Variants in KIAA1549 observed in about 807,000 individuals in gnomAD.
KIAA1549 encodes the protein KIAA1549.
KIAA1549 carries 70 observed loss-of-function variants against 156.4 expected under a neutral mutation model. That is an observed-to-expected ratio of 0.45 (90% CI 0.37 to 0.55). The LOEUF is 0.55. Ranked by LOEUF, KIAA1549 falls within the 20% of genes least tolerant of loss-of-function variation. KIAA1549 has a pLI of 0.00. For missense variants in KIAA1549, 2,428 were observed against 2,540.9 expected (o/e 0.96, Z 0.96); for synonymous variants, 1,103 against 1,066.4 (o/e 1.03, Z -0.67).
chr7:138,883,974 G>T (rs1410693301), intron 10 of KIAA1549, among the ~76,000 whole-genome samples: 2 of 152,136 alleles, frequency 1.3e-5, no homozygotes, highest in South Asian at 4.1e-4. Context: ...GCAGGATGGG[G>T]GCTGCTCACC....
intron 13 of KIAA1549, among the ~76,000 whole-genome samples, 198 bp downstream of exon 13, chr7:138,870,959 A>C (rs1003951244): frequency 1.3e-5 from 2 of 152,150 alleles, no homozygotes; most frequent in Non-Finnish European, 2.9e-5. Context: ...CTGGGATTAC[A>C]GGAACCCGCC....
intron 1 of KIAA1549, among the ~76,000 whole-genome samples, chr7:138,934,209 T>C (rs1812946418): frequency 1.3e-5 from 2 of 149,048 alleles, no homozygotes; most frequent in South Asian, 4.4e-4. Context: ...GCCCATGGGG[T>C]TGAGAAGGAA....
chr7:138,964,962 T>C (rs1303302739), intron 1 of KIAA1549, among the ~76,000 whole-genome samples: 7 of 150,354 alleles, frequency 4.7e-5, no homozygotes, highest in Admixed American at 6.6e-5. Context: ...TCTTTGTTTT[T>C]TTTTCTTTTT....
rs528878546 is a variant in KIAA1549, at chr7:138,836,434, CA to C, written c.*1471del. The C allele has an allele frequency of 1.5e-3, 314 of 214,338 alleles. No homozygotes were observed. Among genetic ancestry groups the C allele is most frequent in the Non-Finnish European group, 2.1e-3 (224 of 106,110 alleles). 13.3% of individuals were successfully genotyped at this position (214,338 alleles called of 1,614,324 possible). On this transcript the variant is annotated 3_prime_UTR_variant, in exon 20 of 20. Transcript: ENST00000422774. The stretch of plus-strand genomic sequence containing the variant: ...ACAATCTAGGATGTTGGCACAGCAA[CA>C]AAACAGCCTAATGACACATTTCTCA...
intron 12 of KIAA1549, among the ~76,000 whole-genome samples, chr7:138,877,518 A>G (rs6964715): frequency 0.25 from 38,164 of 152,180 alleles, 5,577 homozygotes; most frequent in Middle Eastern, 0.46. Flanking sequence ...TTTAAAAAAT[A>G]AAATAACTGA....
In KIAA1549 at chr7:138,835,981, G is replaced by T. The variant is rs866122977; in HGVS notation, c.*1925C>A. The T allele has an allele frequency of 3.3e-5, 7 of 211,376 alleles. No individual in the cohort carries two copies. The highest frequency in any genetic ancestry group is 2.9e-3 in the Middle Eastern group (2 of 684). 13.1% of individuals were successfully genotyped at this position (211,376 alleles called of 1,614,324 possible). A position where few individuals can be genotyped will look rare whatever the true frequency, so the allele number is the denominator to read the frequency against. On this transcript the variant is annotated 3_prime_UTR_variant, in exon 20 of 20. Transcript: ENST00000422774. ...AGAACCAACTTCCCTCATATTGTAA[G>T]ACTCTAAATCTGTACAACAGGCTTC...
chr7:138,883,313 CTT>C (rs112709363), intron 10 of KIAA1549, among the ~76,000 whole-genome samples: 4 of 123,660 alleles, frequency 3.2e-5, no homozygotes, highest in Non-Finnish European at 5.1e-5. Flanking sequence ...GTTCACATTT[CTT>C]TTTTTTTTTT....
chr7:138,869,333 T>C (rs1810850815), intron 14 of KIAA1549, among the ~76,000 whole-genome samples: 1 of 152,218 alleles, frequency 6.6e-6, no homozygotes, highest in Admixed American at 6.5e-5. Context: ...AAGGTGACCC[T>C]CAGCCAGGGT....
intron 1 of KIAA1549, among the ~76,000 whole-genome samples, chr7:138,934,454 G>A (rs111823773): frequency 0.011 from 1,713 of 151,604 alleles, 17 homozygotes; most frequent in Non-Finnish European, 0.015. Flanking sequence ...AAAATAGGGA[G>A]TGGTTGAGGG....
intron 9 of KIAA1549, among the ~76,000 whole-genome samples, chr7:138,895,672 G>C (rs1811664850): frequency 6.6e-6 from 1 of 151,934 alleles, no homozygotes; most frequent in Non-Finnish European, 1.5e-5. Context: ...TGCCACTGAA[G>C]TATACATTTA....
At chr7:138,886,659 G>A (rs1811399444) in intron 10 of KIAA1549, among the ~76,000 whole-genome samples, 1 of 151,980 alleles carries the variant, frequency 6.6e-6, no homozygotes, top group Non-Finnish European at 1.5e-5. Flanking sequence ...CCAGCAGAGG[G>A]GGACAAAACT....
chr7:138,932,457 C>T (rs58872934), intron 1 of KIAA1549, among the ~76,000 whole-genome samples: 6,048 of 152,226 alleles, frequency 0.04, 415 homozygotes, highest in African/African-American at 0.14. Flanking sequence ...GAGACCAGAC[C>T]ATGCAAGGCT....
chr7:138,835,522 C>T lies in KIAA1549; in HGVS notation c.*2384G>A, dbSNP rs1809681037. The stretch of plus-strand genomic sequence containing the variant: ...TTTCTGCAATGCTCAAAGGAGGTTA[C>T]CATTTTTAGCACACTCTATGTGCAA... On this transcript the variant is annotated 3_prime_UTR_variant, in exon 20 of 20. Coordinates refer to ENST00000422774, the MANE Select transcript of KIAA1549 (RefSeq NM_001164665.2). 4.5e-6 allele frequency: 1 copy of T among 223,162 alleles called. No individual in the cohort carries two copies. The highest frequency in any genetic ancestry group is 2.2e-5 in the African/African-American group (1 of 44,746). 13.8% of individuals were successfully genotyped at this position (223,162 alleles called of 1,614,324 possible).
chr7:138,937,782 G>C (rs2130516527), intron 1 of KIAA1549, among the ~76,000 whole-genome samples: 1 of 152,260 alleles, frequency 6.6e-6, no homozygotes, highest in South Asian at 2.1e-4. Flanking sequence ...ACTCGGGGTG[G>C]ATGGAAATGT....
At chr7:138,973,193 C>T (rs62488862) in intron 1 of KIAA1549, among the ~76,000 whole-genome samples, 174 of 152,344 alleles carry the variant, frequency 1.1e-3, no homozygotes, top group Admixed American at 2.4e-3. Context: ...TTTAAAACTT[C>T]CACCAACCCT....
At chr7:138,861,031 T>A (rs1359815865) in intron 16 of KIAA1549, 108 bp downstream of exon 16, 1 of 1,089,692 alleles carries the variant, frequency 9.2e-7, no homozygotes, top group Non-Finnish European at 1.4e-6. Context: ...GAGTTTTAAT[T>A]CTTATCAAAT....
At chr7:138,960,994 A>G (rs1813828966) in intron 1 of KIAA1549, among the ~76,000 whole-genome samples, 2 of 152,228 alleles carry the variant, frequency 1.3e-5, no homozygotes, top group Admixed American at 1.3e-4. Flanking sequence ...CCATGCCCTC[A>G]TAACCTCTCC....
chr7:138,865,698 T>C (rs1164711498), intron 15 of KIAA1549, among the ~76,000 whole-genome samples: 1 of 152,046 alleles, frequency 6.6e-6, no homozygotes, highest in Admixed American at 6.5e-5. Context: ...CTGCACTCTC[T>C]GCTAAGGAAA....
chr7:138,873,707 C>T (rs1206539873), intron 12 of KIAA1549, among the ~76,000 whole-genome samples: 2 of 151,898 alleles, frequency 1.3e-5, no homozygotes, highest in Non-Finnish European at 2.9e-5. Flanking sequence ...CCGGCTCACC[C>T]CCTCCCACTG....
Sources: gnomAD v4.1 joint callset for allele counts (sites outside exome capture counted in the v4.1 genomes callset) on GRCh38, gnomAD v4.1.1 for gene constraint, MANE v1.5 for transcripts, NCBI Gene and HGNC (gene_info 2026-07-23, HGNC 2026-07-21) for gene names.